The following LRRK1 variants were observed in gnomAD, a reference collection of about 807,000 sequenced individuals.
The protein encoded by LRRK1 is leucine-rich repeat serine/threonine-protein kinase 1.
LRRK1 carries 113 observed loss-of-function variants against 209.1 expected under a neutral mutation model. The observed-to-expected ratio is 0.54, with a 90% CI of 0.46 to 0.63. LRRK1 has a LOEUF of 0.63. Ranked by LOEUF, LRRK1 falls within the 30% of genes least tolerant of loss-of-function variation. The probability of loss-of-function intolerance (pLI) is 0.00; values close to 1 mark genes in which losing one functional copy is unlikely to be tolerated. For missense variants in LRRK1, 2,284 were observed against 2,632.2 expected (o/e 0.87, Z 2.89); for synonymous variants, 1,144 against 1,099.7 (o/e 1.04, Z -0.80).
At chr15:101,030,339 C>T (rs7181694) in intron 20 of LRRK1, among the ~76,000 whole-genome samples, 55,730 of 151,854 alleles carry the variant, frequency 0.37, 10,793 homozygotes, top group Non-Finnish European at 0.44. Context: ...CCCTCCCCTG[C>T]ACTTTGCCCA....
intron 2 of LRRK1, among the ~76,000 whole-genome samples, chr15:100,931,982 TTTTG>T (rs113730693): frequency 5.3e-5 from 8 of 151,648 alleles, no homozygotes; most frequent in Non-Finnish European, 7.4e-5. Context: ...TGTGTTTTCT[TTTTG>T]TTTGTTTGTT....
At chr15:100,974,610 G>C (rs1161568825) in intron 3 of LRRK1, among the ~76,000 whole-genome samples, 1 of 152,196 alleles carries the variant, frequency 6.6e-6, no homozygotes, top group Non-Finnish European at 1.5e-5. Flanking sequence ...TGTCTACCTG[G>C]CTATTCATCT....
intron 2 of LRRK1, among the ~76,000 whole-genome samples, chr15:100,961,976 G>A (rs1430291229): frequency 6.6e-6 from 1 of 152,158 alleles, no homozygotes; most frequent in African/African-American, 2.4e-5. Context: ...TGGGACACCT[G>A]TGCCAATTTT....
chr15:100,966,567 C>T (rs967478645), intron 2 of LRRK1, among the ~76,000 whole-genome samples: 1 of 152,174 alleles, frequency 6.6e-6, no homozygotes, highest in South Asian at 2.1e-4. Context: ...TAAAGGTTAA[C>T]CATTCTCTGT....
chr15:100,939,770 CA>C (rs150999988), intron 2 of LRRK1, among the ~76,000 whole-genome samples: 6,129 of 152,144 alleles, frequency 0.04, 330 homozygotes, highest in African/African-American at 0.13. Context: ...ACAGTTTGTA[CA>C]GCAAAGTCGG....
intron 6 of LRRK1, among the ~76,000 whole-genome samples, chr15:100,992,542 G>T (rs1293737623): frequency 6.6e-6 from 1 of 152,090 alleles, no homozygotes; most frequent in Non-Finnish European, 1.5e-5. Flanking sequence ...AAAATACAAG[G>T]AACTGTCAAG....
intron 21 of LRRK1, among the ~76,000 whole-genome samples, chr15:101,047,769 G>A (rs1487945277): frequency 6.6e-6 from 1 of 152,198 alleles, no homozygotes; most frequent in African/African-American, 2.4e-5. Context: ...GATTCCTCGG[G>A]ATACATCCAG....
intron 6 of LRRK1, among the ~76,000 whole-genome samples, chr15:100,999,689 A>G (rs995122787): frequency 6.6e-6 from 1 of 152,240 alleles, no homozygotes; most frequent in African/African-American, 2.4e-5. Flanking sequence ...ATATTGAATT[A>G]GGAGACTTGG....
In LRRK1 at chr15:100,963,720, C is replaced by T. The variant is rs145959512; in HGVS notation, c.98-10084C>T. 3.6e-4 allele frequency among the ~76,000 whole-genome samples: 55 copies of T among 152,314 alleles called. No homozygotes were observed. The East Asian group carries it at 0.01, about 28-fold the overall frequency. ...CGTGGGAGAACAGGCCGACTTCCCG[C>T]TTTTGTTATGTAGTACTGCCCTCCC... On this transcript the variant is annotated intron_variant, in intron 2 of 33. Coordinates refer to ENST00000388948, the MANE Select transcript of LRRK1 (RefSeq NM_024652.6).
At position 101,008,885 on chromosome 15, in the gene LRRK1, G is replaced by A; in HGVS notation, c.811G>A (p.Asp271Asn). 3.1e-6 allele frequency: 5 copies of A among 1,614,196 alleles called. No individual in the cohort carries two copies. Among genetic ancestry groups the A allele is most frequent in the Non-Finnish European group, 4.2e-6 (5 of 1,180,032 alleles). The change falls in exon 7 of 34, where the codon GAC (aspartate) becomes AAC (asparagine). Residue 271 changes from aspartate to asparagine, a missense_variant. By Grantham distance (23) the Asp-to-Asn change is conservative. This residue lies in a region of LRRK1 where 494 missense variants were observed against 522.1 expected (regional missense o/e 0.95). Transcript: ENST00000388948. The part of the protein sequence containing the change: ...SHLRLPWVDL[D>N]WLIDISCQIT... ...TCTCAGACTGCCCTGGGTAGACCTA[G>A]ACTGGCTCATAGACATCTCCTGCCA...
chr15:100,985,431 A>T (rs941625365), intron 4 of LRRK1, among the ~76,000 whole-genome samples: 1 of 152,204 alleles, frequency 6.6e-6, no homozygotes, highest in African/African-American at 2.4e-5. Context: ...AGATTTTCCC[A>T]GCCATTTAGT....
At chr15:101,026,659 C>G (rs1241490337) in intron 17 of LRRK1, among the ~76,000 whole-genome samples, 2 of 152,198 alleles carry the variant, frequency 1.3e-5, no homozygotes, top group Non-Finnish European at 2.9e-5. Flanking sequence ...TCACAACAGC[C>G]CTGCAGGTTG....
chr15:101,041,361 A>G (rs2034748846), intron 20 of LRRK1, among the ~76,000 whole-genome samples: 1 of 152,244 alleles, frequency 6.6e-6, no homozygotes, highest in Non-Finnish European at 1.5e-5. Flanking sequence ...CACATTTATC[A>G]TAATTAATTA....
intron 20 of LRRK1, 73 bp from the exon 21 acceptor site, chr15:101,045,908 C>T (rs907638962): frequency 7.6e-7 from 1 of 1,321,746 alleles, no homozygotes; most frequent in East Asian, 2.3e-5. Context: ...CAGATCAGGC[C>T]ATCTGCTGGG....
chr15:100,982,234 A>G (rs2031643300), intron 3 of LRRK1, among the ~76,000 whole-genome samples: 1 of 152,228 alleles, frequency 6.6e-6, no homozygotes. Flanking sequence ...CCATTCCAAT[A>G]GGGGATCCCC....
In LRRK1 at chr15:101,070,581, C is replaced by T. The variant is rs772390753; in HGVS notation, c.*1733C>T. The T allele has an allele frequency of 6.6e-6, 1 of 152,110 alleles. No homozygotes were observed. The highest frequency in any genetic ancestry group is 1.5e-5 in the Non-Finnish European group (1 of 68,054). The allele number at this position is 152,110 out of a possible 1,614,324, so 9.4% of individuals were successfully genotyped here. On this transcript the variant is annotated 3_prime_UTR_variant, in exon 34 of 34. Transcript: ENST00000388948. ...TGCTTTGCAGGCACCAAAATTCACC[C>T]TCTCCTACTCCTGGAAAAGCCCAGC...
At chr15:101,064,772 A>T in intron 31 of LRRK1, 1 of 155,170 alleles carries the variant, frequency 6.4e-6, no homozygotes, top group Non-Finnish European at 1.4e-5. Context: ...AGGTGGAGTC[A>T]CAGGGCCACC....
intron 12 of LRRK1, among the ~76,000 whole-genome samples, chr15:101,016,547 C>T (rs558136082): frequency 5.4e-4 from 82 of 152,238 alleles, no homozygotes; most frequent in African/African-American, 1.9e-3. Context: ...CTCATCTAAA[C>T]CTAATTACAG....
Position 101,024,298 on chromosome 15 carries a change from C to T in LRRK1, c.2068-505C>T, listed in dbSNP as rs887171735. On this transcript the variant is annotated intron_variant, in intron 15 of 33. Coordinates refer to ENST00000388948, the MANE Select transcript of LRRK1 (RefSeq NM_024652.6). This position sits in a 1 kb window ranked among gnomAD's most constrained non-coding sequence, Gnocchi z 4.6. ...CCTCATGCAATGATAGAGAAACCAC[C>T]GTTTACACAGCCGTTCCCGGCAGCC... Among the ~76,000 whole-genome samples, 12 of 152,250 alleles carry T rather than the reference C, an allele frequency of 7.9e-5. No homozygotes were observed. The highest frequency in any genetic ancestry group is 2.7e-4 in the African/African-American group (11 of 41,468).
Sources: allele counts gnomAD v4.1 joint callset (sites outside exome capture counted in the v4.1 genomes callset), GRCh38; gene constraint gnomAD v4.1.1; regional missense constraint gnomAD v4.1.1; non-coding constraint Gnocchi (gnomAD v3.1); transcripts MANE v1.5; gene names NCBI Gene and HGNC (gene_info 2026-07-23, HGNC 2026-07-21).